COL28A1: variants seen among roughly 807,000 people sequenced by gnomAD.
COL28A1 encodes the protein collagen type XXVIII alpha 1 chain.
A neutral mutation model predicts 150.2 loss-of-function variants in COL28A1; 161 were observed. The observed-to-expected ratio is 1.07, with a 90% CI of 0.94 to 1.22. COL28A1 has a LOEUF of 1.22. COL28A1 is among the 50% of genes most tolerant of loss of function. The pLI, the probability that COL28A1 is intolerant of heterozygous loss-of-function variation, is 0.00. For synonymous variants in COL28A1, 552 were observed against 469.7 expected (o/e 1.18, Z -2.26); for missense variants, 1,617 against 1,388.3 (o/e 1.16, Z -2.62).
chr7:7,522,805 G>GAAAAAAAA (rs1781799421), intron 4 of COL28A1, among the ~76,000 whole-genome samples: 1 of 13,118 alleles, frequency 7.6e-5, no homozygotes, highest in East Asian at 2.0e-3. Context: ...TAGCTGAAGA[G>GAAAAAAAA]CAAAAAAAAA....
At chr7:7,511,741 T>C (rs1248137971) in intron 8 of COL28A1, 1 of 470,992 alleles carries the variant, frequency 2.1e-6, no homozygotes, top group East Asian at 6.9e-5. Flanking sequence ...ACAGGTGCCA[T>C]GATGAGTTAG....
rs758449431 is a variant in COL28A1, at chr7:7,532,850, T to C, written c.26A>G (p.Tyr9Cys). Residue 9 changes from tyrosine (Y) to cysteine (C), a missense_variant, in exon 2 of 35, where the codon TAT becomes TGT. By Grantham distance (194) the Tyr-to-Cys change is radical (BLOSUM62 -2). Transcript: ENST00000399429. ...CGTAAACGCTGACAAAAGCAGGAGA[T>C]AGAAGACAAAATATCTGTTCCACAT... MWNRYFVF[Y>C]LLLLSAFTSQ... The C allele has an allele frequency of 5.7e-5, 92 of 1,611,396 alleles. No individual in the cohort carries two copies. In the Admixed American group the frequency reaches 1.2e-3, roughly 21 times the overall value.
At chr7:7,493,761 G>C (rs977264819) in intron 11 of COL28A1, among the ~76,000 whole-genome samples, 1 of 151,894 alleles carries the variant, frequency 6.6e-6, no homozygotes, top group Non-Finnish European at 1.5e-5. Context: ...AAACAGGGAG[G>C]GAAGAGTCAG....
At chr7:7,480,733 G>C (rs1789321979) in intron 13 of COL28A1, among the ~76,000 whole-genome samples, 1 of 152,136 alleles carries the variant, frequency 6.6e-6, no homozygotes, top group Admixed American at 6.5e-5. Flanking sequence ...ATTGTGCTAG[G>C]TTCTAGGGAT....
intron 3 of COL28A1, among the ~76,000 whole-genome samples, chr7:7,530,404 G>A (rs1782282651): frequency 6.6e-6 from 1 of 152,162 alleles, no homozygotes; most frequent in South Asian, 2.1e-4. Flanking sequence ...TAAGACAAAA[G>A]GAGCAAAACA....
At chr7:7,422,714 A>G (rs1297640434) in intron 25 of COL28A1, among the ~76,000 whole-genome samples, 1 of 151,968 alleles carries the variant, frequency 6.6e-6, no homozygotes, top group Non-Finnish European at 1.5e-5. Flanking sequence ...CACCCTACCT[A>G]TCAATATTCT....
chr7:7,483,153 TA>T (rs1779440506), intron 13 of COL28A1, among the ~76,000 whole-genome samples: 1 of 152,234 alleles, frequency 6.6e-6, no homozygotes, highest in South Asian at 2.1e-4. Context: ...CCTTATGACT[TA>T]CAATGGGCTT....
At chr7:7,350,565 T>C in the COL28A1 span, among the ~76,000 whole-genome samples, 1 of 152,024 alleles carries the variant, frequency 6.6e-6, no homozygotes, top group South Asian at 2.1e-4. Flanking sequence ...TCTTAGAAGA[T>C]TAAAGATGAG....
At chr7:7,355,693 G>C (rs937135107), downstream of COL28A1, among the ~76,000 whole-genome samples, 1 of 152,142 alleles carries the variant, frequency 6.6e-6, no homozygotes, top group Non-Finnish European at 1.5e-5. Context: ...ATGTTGATAA[G>C]AATATCAAGC....
Position 7,481,436 on chromosome 7 carries a change from G to A in COL28A1, c.1165-4256C>T, listed in dbSNP as rs369304427. Among the ~76,000 whole-genome samples the A allele has an allele frequency of 2.8e-4, 43 of 152,256 alleles. 3 individuals are homozygous for A. In the South Asian group the frequency reaches 8.7e-3, roughly 31 times the overall value. On this transcript the variant is annotated intron_variant, in intron 13 of 34. Coordinates refer to ENST00000399429, the MANE Select transcript of COL28A1 (RefSeq NM_001037763.3). Reference sequence around the variant, plus strand: ...GAGAAGAGAAGTAGAAGGTACTTGGGTTAAATGGTTATAGTTTAATTTATT... The same window carrying A: ...GAGAAGAGAAGTAGAAGGTACTTGGATTAAATGGTTATAGTTTAATTTATT...
chr7:7,478,334 A>T (rs201391373), intron 13 of COL28A1, among the ~76,000 whole-genome samples: 2 of 152,112 alleles, frequency 1.3e-5, no homozygotes, highest in East Asian at 3.9e-4. Flanking sequence ...TGGTGCATTC[A>T]CAAACCCTGA....
At chr7:7,462,756 T>A (rs1787736074) in intron 15 of COL28A1, among the ~76,000 whole-genome samples, 4 of 151,726 alleles carry the variant, frequency 2.6e-5, no homozygotes, top group Admixed American at 2.6e-4. Flanking sequence ...CTACTGGGGA[T>A]GCTGTGGCAG....
the COL28A1 span, among the ~76,000 whole-genome samples, chr7:7,350,634 T>G: frequency 1.3e-5 from 2 of 150,004 alleles, 1 homozygote; most frequent in South Asian, 4.2e-4. Context: ...CAGGGAGATG[T>G]TCTGTTTTTT....
chr7:7,391,737 T>C (rs1414059141), intron 27 of COL28A1, among the ~76,000 whole-genome samples: 1 of 152,066 alleles, frequency 6.6e-6, no homozygotes, highest in African/African-American at 2.4e-5. Flanking sequence ...ATGCCCTTCT[T>C]TGTCTTTTTT....
chr7:7,350,389 T>C, the COL28A1 span, among the ~76,000 whole-genome samples: 2 of 152,132 alleles, frequency 1.3e-5, no homozygotes, highest in Admixed American at 6.6e-5. Flanking sequence ...ACAAGACATA[T>C]GTAATAGACT....
intron 27 of COL28A1, among the ~76,000 whole-genome samples, chr7:7,389,562 C>A (rs187153777): frequency 1.3e-5 from 2 of 152,302 alleles, no homozygotes; most frequent in African/African-American, 4.8e-5. Flanking sequence ...ATAGGGATTG[C>A]ATTGAATCTA....
intron 27 of COL28A1, among the ~76,000 whole-genome samples, chr7:7,406,662 AG>A (rs1198099535): frequency 6.6e-6 from 1 of 152,164 alleles, no homozygotes; most frequent in Non-Finnish European, 1.5e-5. Flanking sequence ...ACTGTCATAA[AG>A]AGAAGGAACC....
At chr7:7,383,579 GATATTTTTA>G (rs1782003749) in intron 27 of COL28A1, among the ~76,000 whole-genome samples, 2 of 150,646 alleles carry the variant, frequency 1.3e-5, no homozygotes, top group Admixed American at 1.3e-4. Context: ...ACACCTGGCT[GATATTTTTA>G]ATATTTTAAA....
intron 14 of COL28A1, among the ~76,000 whole-genome samples, chr7:7,475,527 G>A (rs1357373123): frequency 1.3e-5 from 2 of 152,114 alleles, no homozygotes; most frequent in African/African-American, 2.4e-5. Context: ...ATGCCCATGA[G>A]CTATTACATA....
Sources: allele counts gnomAD v4.1 joint callset (sites outside exome capture counted in the v4.1 genomes callset), GRCh38; gene constraint gnomAD v4.1.1; transcripts MANE v1.5; gene names NCBI Gene and HGNC (gene_info 2026-07-23, HGNC 2026-07-21).